The following PTPRK variants were observed in gnomAD, a reference collection of about 807,000 sequenced individuals.
PTPRK encodes the protein receptor-type tyrosine-protein phosphatase kappa.
Under a neutral mutation model 178.0 loss-of-function variants are expected in PTPRK, and 75 were observed. That is an observed-to-expected ratio of 0.42 (90% CI 0.35 to 0.51). PTPRK has a LOEUF of 0.51. Among genes scored for constraint, PTPRK ranks in the 20% least tolerant of loss-of-function variants. The pLI is 0.02. For missense variants in PTPRK, 1,441 were observed against 1,797.8 expected, an observed-to-expected ratio of 0.80 and a Z score of 3.59; for synonymous variants, 637 against 620.6, an observed-to-expected ratio of 1.03 and a Z score of -0.39.
intron 13 of PTPRK, among the ~76,000 whole-genome samples, chr6:128,017,212 G>A (rs749285539): frequency 1.1e-4 from 17 of 151,866 alleles, no homozygotes; most frequent in African/African-American, 2.9e-4. Flanking sequence ...TTGGTTCTTC[G>A]TAAACGGATC....
intron 15 of PTPRK, chr6:128,003,303 A>C: frequency 7.6e-7 from 1 of 1,314,770 alleles, no homozygotes; most frequent in African/African-American, 1.5e-5. Flanking sequence ...TTTTCTTTAA[A>C]ATAGATTTAT....
At chr6:128,204,801 G>A (rs1806624513) in intron 6 of PTPRK, among the ~76,000 whole-genome samples, 1 of 152,106 alleles carries the variant, frequency 6.6e-6, no homozygotes, top group African/African-American at 2.4e-5. Flanking sequence ...AAAAAGGAAT[G>A]CTTATAAACT....
At chr6:128,471,485 G>A (rs961084377) in intron 1 of PTPRK, among the ~76,000 whole-genome samples, 1 of 151,084 alleles carries the variant, frequency 6.6e-6, no homozygotes, top group Non-Finnish European at 1.5e-5. Context: ...AACAGTTTGG[G>A]GCAATAGAGA....
chr6:128,368,651 CA>C (rs1430080889), intron 2 of PTPRK, among the ~76,000 whole-genome samples: 3 of 152,044 alleles, frequency 2.0e-5, no homozygotes, highest in Non-Finnish European at 4.4e-5. Flanking sequence ...TTTAGGACCA[CA>C]AAACCTAGAG....
At chr6:128,284,923 G>A (rs1822223153) in intron 3 of PTPRK, among the ~76,000 whole-genome samples, 3 of 152,176 alleles carry the variant, frequency 2.0e-5, no homozygotes, top group Non-Finnish European at 4.4e-5. Context: ...AATTAAAACT[G>A]AGTATACAGA....
At chr6:128,233,826 T>C (rs1812742934) in intron 5 of PTPRK, among the ~76,000 whole-genome samples, 1 of 152,152 alleles carries the variant, frequency 6.6e-6, no homozygotes, top group Non-Finnish European at 1.5e-5. Flanking sequence ...CCAAAACAAA[T>C]GGTGCCACCA....
Position 127,992,724 on chromosome 6 carries a change from C to A in PTPRK, c.2845-15G>T, listed in dbSNP as rs543707526. 4.5e-6 allele frequency: 7 copies of A among 1,562,018 alleles called. No individual in the cohort carries two copies. The African/African-American group carries it at 8.3e-5, about 19-fold the overall frequency. On this transcript the variant is annotated splice_polypyrimidine_tract_variant and intron_variant, in intron 18 of 29. Coordinates refer to ENST00000368226, the MANE Select transcript of PTPRK (RefSeq NM_002844.4). ...CTCTGGTAGCCCTAAAATAAGAGAACAAATTAGTTATCATTTTACATCAAT... is the reference window on the plus strand; with the variant it reads ...CTCTGGTAGCCCTAAAATAAGAGAAAAAATTAGTTATCATTTTACATCAAT...
intron 2 of PTPRK, among the ~76,000 whole-genome samples, chr6:128,341,199 A>C (rs2128331301): frequency 6.6e-6 from 1 of 152,278 alleles, no homozygotes; most frequent in Admixed American, 6.5e-5. Flanking sequence ...AGCAGATGTA[A>C]CATAAACACA....
At chr6:128,163,339 A>T (rs958797816) in intron 7 of PTPRK, among the ~76,000 whole-genome samples, 3 of 151,180 alleles carry the variant, frequency 2.0e-5, no homozygotes, top group African/African-American at 7.3e-5. Context: ...GTATTTTAAT[A>T]TAAATTTATA....
At chr6:128,397,441 G>T in intron 2 of PTPRK, 125 bp downstream of exon 2, 1 of 1,161,242 alleles carries the variant, frequency 8.6e-7, no homozygotes, top group Non-Finnish European at 1.2e-6. Flanking sequence ...TCTTAGAAGT[G>T]ATCCAGTAGC....
At chr6:128,289,676 A>T (rs1823058087) in intron 3 of PTPRK, among the ~76,000 whole-genome samples, 1 of 152,122 alleles carries the variant, frequency 6.6e-6, no homozygotes, top group Admixed American at 6.6e-5. Flanking sequence ...CTTAACACAT[A>T]GATAAATACA....
At chr6:128,233,889 G>C (rs1268514189) in intron 5 of PTPRK, among the ~76,000 whole-genome samples, 1 of 152,058 alleles carries the variant, frequency 6.6e-6, no homozygotes, top group Non-Finnish European at 1.5e-5. Flanking sequence ...GAATTTCTCT[G>C]CCCAATTCAA....
At chr6:128,201,399 T>A (rs1295632018) in intron 6 of PTPRK, among the ~76,000 whole-genome samples, 2 of 152,178 alleles carry the variant, frequency 1.3e-5, no homozygotes, top group Non-Finnish European at 2.9e-5. Flanking sequence ...TGAGTGCACA[T>A]CCATGCACAT....
At chr6:128,351,223 C>T (rs374062173) in intron 2 of PTPRK, among the ~76,000 whole-genome samples, 4 of 152,062 alleles carry the variant, frequency 2.6e-5, no homozygotes, top group East Asian at 1.9e-4. Flanking sequence ...CCAAAATAAG[C>T]GGTGGTGATA....
intron 2 of PTPRK, among the ~76,000 whole-genome samples, chr6:128,341,765 A>C (rs930344396): frequency 2.0e-5 from 3 of 152,214 alleles, no homozygotes; most frequent in African/African-American, 7.2e-5. Context: ...TATCTCATTT[A>C]AGTTTCAACT....
chr6:128,213,802 G>C (rs1016397836), intron 6 of PTPRK, among the ~76,000 whole-genome samples: 1 of 151,912 alleles, frequency 6.6e-6, no homozygotes. Context: ...TAGAGTACCG[G>C]AATAGAATAC....
chr6:128,222,236 A>G (rs910353696), intron 5 of PTPRK, among the ~76,000 whole-genome samples: 15 of 152,176 alleles, frequency 9.9e-5, no homozygotes, highest in Non-Finnish European at 4.4e-5. Flanking sequence ...CTCAATAATC[A>G]TTATTCCATC....
At chr6:128,442,642 C>T (rs1019657594) in intron 1 of PTPRK, among the ~76,000 whole-genome samples, 8 of 152,176 alleles carry the variant, frequency 5.3e-5, no homozygotes, top group African/African-American at 1.9e-4. Context: ...CAGTGGTGAG[C>T]TTCCAAAGAA....
chr6:128,037,269 G>C (rs538901867), intron 13 of PTPRK, among the ~76,000 whole-genome samples: 1 of 152,272 alleles, frequency 6.6e-6, no homozygotes, highest in South Asian at 2.1e-4. Context: ...ATCAATTTAA[G>C]TCTCAGGGGT....
Sources: allele counts gnomAD v4.1 joint callset (sites outside exome capture counted in the v4.1 genomes callset), GRCh38; gene constraint gnomAD v4.1.1; transcripts MANE v1.5; gene names NCBI Gene and HGNC (gene_info 2026-07-23, HGNC 2026-07-21).